TENM2: variants seen among roughly 807,000 people sequenced by gnomAD.
TENM2 encodes the protein teneurin-2.
Under a neutral mutation model 245.2 loss-of-function variants are expected in TENM2, and 52 were observed. The observed-to-expected ratio is 0.21, with a 90% CI of 0.17 to 0.27. The LOEUF (loss-of-function observed/expected upper bound fraction) is 0.27. Among genes scored for constraint, TENM2 ranks in the 10% least tolerant of loss-of-function variants. TENM2 has a pLI of 1.00. For synonymous variants in TENM2, 1,363 were observed against 1,438.9 expected (o/e 0.95, Z 1.19); for missense variants, 3,046 against 3,666.8 (o/e 0.83, Z 4.37).
Position 168,053,006 on chromosome 5 carries a change from G to A in TENM2, c.1309+5457G>A, listed in dbSNP as rs372099791. On this transcript the variant is annotated intron_variant, in intron 6 of 28. Transcript: ENST00000518659. ...AGCAGGGAGGTTCGTAAATTCTTCC[G>A]CTGGCTCTCATCAGCCTCTCAATGA... 7.9e-5 allele frequency among the ~76,000 whole-genome samples: 12 copies of A among 152,206 alleles called. No individual in the cohort carries two copies. The East Asian group carries it at 1.7e-3, about 22-fold the overall frequency.
intron 3 of TENM2, among the ~76,000 whole-genome samples, chr5:167,914,539 C>T (rs1776782138): frequency 6.6e-6 from 1 of 152,206 alleles, no homozygotes; most frequent in African/African-American, 2.4e-5. Context: ...GATTGGTCGA[C>T]TTAACCTCAT....
At chr5:167,518,963 A>C (rs537939442) in intron 2 of TENM2, among the ~76,000 whole-genome samples, 5 of 152,198 alleles carry the variant, frequency 3.3e-5, no homozygotes, top group African/African-American at 1.2e-4. Context: ...ATGACCTACT[A>C]TGGTGACTTA....
intron 2 of TENM2, among the ~76,000 whole-genome samples, chr5:167,626,383 T>A (rs1028962499): frequency 6.6e-6 from 1 of 152,186 alleles, no homozygotes; most frequent in Non-Finnish European, 1.5e-5. Flanking sequence ...CTGTTATACT[T>A]AATAGAACTA....
the TENM2 span, among the ~76,000 whole-genome samples, chr5:167,126,978 C>G: frequency 1.3e-5 from 2 of 151,740 alleles, no homozygotes; most frequent in African/African-American, 4.8e-5. Context: ...GCCACAAATT[C>G]ACTAAGCATA....
intron 2 of TENM2, among the ~76,000 whole-genome samples, chr5:167,848,280 A>G (rs972513407): frequency 1.3e-5 from 2 of 152,172 alleles, no homozygotes; most frequent in African/African-American, 4.8e-5. Context: ...TTACCCTTCA[A>G]TTGAAAACCC....
At chr5:167,978,531 A>G (rs193066938) in intron 4 of TENM2, among the ~76,000 whole-genome samples, 3 of 152,368 alleles carry the variant, frequency 2.0e-5, no homozygotes, top group Non-Finnish European at 2.9e-5. Context: ...AAAAGGTCAC[A>G]TATTGTATGA....
chr5:167,122,286 C>G, the TENM2 span, among the ~76,000 whole-genome samples: 7 of 152,250 alleles, frequency 4.6e-5, no homozygotes, highest in South Asian at 1.2e-3. Flanking sequence ...TGTGCTTGAA[C>G]AATACACCGA....
chr5:167,169,157 C>T, the TENM2 span, among the ~76,000 whole-genome samples: 4 of 152,032 alleles, frequency 2.6e-5, no homozygotes, highest in Non-Finnish European at 5.9e-5. Flanking sequence ...TTTATTAAAC[C>T]GCACTCCTTT....
At chr5:167,279,481 C>CCTTT in the TENM2 span, among the ~76,000 whole-genome samples, 2 of 150,392 alleles carry the variant, frequency 1.3e-5, no homozygotes, top group Admixed American at 6.7e-5. Context: ...TTCCCTTCTT[C>CCTTT]CTTTCTTTCT....
intron 2 of TENM2, among the ~76,000 whole-genome samples, chr5:167,378,504 C>T (rs1046255108): frequency 3.3e-5 from 5 of 151,234 alleles, no homozygotes; most frequent in African/African-American, 1.2e-4. Context: ...CTCTCAGATT[C>T]ATGTTATCTT....
chr5:167,691,993 C>G (rs943827674), intron 2 of TENM2, among the ~76,000 whole-genome samples: 1 of 152,098 alleles, frequency 6.6e-6, no homozygotes, highest in Non-Finnish European at 1.5e-5. Context: ...GAGAGGAGTA[C>G]CTCCTTCTTG....
intron 9 of TENM2, among the ~76,000 whole-genome samples, chr5:168,114,058 A>G (rs1794880878): frequency 6.6e-6 from 1 of 152,204 alleles, no homozygotes; most frequent in Non-Finnish European, 1.5e-5. Flanking sequence ...TTTGAGACCT[A>G]TGGCATTTCT....
chr5:167,103,858 G>A, the TENM2 span, among the ~76,000 whole-genome samples: 4 of 151,440 alleles, frequency 2.6e-5, no homozygotes, highest in African/African-American at 9.7e-5. Context: ...AAAAAAAAAT[G>A]AGTTTACCCA....
chr5:167,974,036 GA>G (rs1200187285), intron 4 of TENM2, among the ~76,000 whole-genome samples: 651 of 37,490 alleles, frequency 0.017, 87 homozygotes, highest in African/African-American at 0.11. Flanking sequence ...AGGAAGGAAG[GA>G]GAAGGAAGGA....
intron 6 of TENM2, among the ~76,000 whole-genome samples, chr5:168,054,898 G>A (rs1789409404): frequency 6.6e-6 from 1 of 152,162 alleles, no homozygotes; most frequent in Non-Finnish European, 1.5e-5. Context: ...AGATGAACTA[G>A]CCAGAACAAT....
intron 4 of TENM2, among the ~76,000 whole-genome samples, chr5:167,961,475 T>A (rs1216232116): frequency 6.6e-6 from 1 of 152,144 alleles, no homozygotes; most frequent in East Asian, 1.9e-4. Flanking sequence ...GAAAAATAGT[T>A]TCTGGATATA....
chr5:168,136,849 C>T (rs1418941347), intron 12 of TENM2, among the ~76,000 whole-genome samples: 1 of 152,198 alleles, frequency 6.6e-6, no homozygotes, highest in Non-Finnish European at 1.5e-5. Context: ...AAAGAAAATC[C>T]TTTTCTCTTC....
chr5:167,089,984 A>C, the TENM2 span, among the ~76,000 whole-genome samples: 1 of 152,196 alleles, frequency 6.6e-6, no homozygotes, highest in Non-Finnish European at 1.5e-5. Flanking sequence ...TCACTTGTAG[A>C]GGATTGACAG....
intron 2 of TENM2, among the ~76,000 whole-genome samples, chr5:167,630,217 C>T (rs1258323991): frequency 1.3e-5 from 2 of 151,616 alleles, no homozygotes; most frequent in Non-Finnish European, 2.9e-5. Context: ...TTGGCATATC[C>T]GAATTACCAG....
Sources: gnomAD v4.1 joint callset for allele counts (sites outside exome capture counted in the v4.1 genomes callset) on GRCh38, gnomAD v4.1.1 for gene constraint, MANE v1.5 for transcripts, NCBI Gene and HGNC (gene_info 2026-07-23, HGNC 2026-07-21) for gene names.